The following FAM168A variants were observed in gnomAD, a reference collection of about 807,000 sequenced individuals.
The protein encoded by FAM168A is family with sequence similarity 168 member A.
A neutral mutation model predicts 28.5 loss-of-function variants in FAM168A; 3 were observed. That is an observed-to-expected ratio of 0.11 (90% CI 0.05 to 0.27). The LOEUF is 0.27. FAM168A is among the 10% of genes least tolerant of loss of function. The pLI is 1.00. For synonymous variants in FAM168A, 122 were observed against 124.2 expected (o/e 0.98, Z 0.12); for missense variants, 222 against 311.5 (o/e 0.71, Z 2.16).
chr11:73,558,192 G>A (rs971013356), intron 1 of FAM168A, among the ~76,000 whole-genome samples: 1 of 152,058 alleles, frequency 6.6e-6, no homozygotes, highest in African/African-American at 2.4e-5. Context: ...TATCAAAAAA[G>A]TGAAGAGGCC....
intron 2 of FAM168A, among the ~76,000 whole-genome samples, chr11:73,451,354 A>G (rs546392813): frequency 2.6e-4 from 40 of 152,322 alleles, no homozygotes; most frequent in African/African-American, 9.4e-4. Context: ...TTTGCCAGAG[A>G]GATTTATGGA....
chr11:73,412,013 ATCTC>A (rs754092287), intron 4 of FAM168A, among the ~76,000 whole-genome samples: 1 of 149,886 alleles, frequency 6.7e-6, no homozygotes, highest in Non-Finnish European at 1.5e-5. Context: ...TTTTCTCCTT[ATCTC>A]TCTCTCTCTC....
At chr11:73,420,219 A>C (rs760349127) in intron 3 of FAM168A, among the ~76,000 whole-genome samples, 10 of 152,210 alleles carry the variant, frequency 6.6e-5, no homozygotes, top group Non-Finnish European at 1.3e-4. Flanking sequence ...CTGAACTTAC[A>C]CTAAAAGAGT....
At chr11:73,476,991 A>C (rs1170628717) in intron 1 of FAM168A, among the ~76,000 whole-genome samples, 1 of 152,186 alleles carries the variant, frequency 6.6e-6, no homozygotes, top group African/African-American at 2.4e-5. Context: ...GAGAGAAAGA[A>C]AATTAGGTGG....
At chr11:73,562,944 G>A (rs1165771793) in intron 1 of FAM168A, among the ~76,000 whole-genome samples, 2 of 152,108 alleles carry the variant, frequency 1.3e-5, no homozygotes, top group East Asian at 3.8e-4. Flanking sequence ...GGGCCCCAGA[G>A]AGGGGACATT....
Position 73,411,352 on chromosome 11 carries a change from GCTC to G in FAM168A, c.420+39_420+41del, listed in dbSNP as rs767549002. 3 of 1,541,166 alleles carry G rather than the reference GCTC, an allele frequency of 1.9e-6. No individual in the cohort carries two copies. In the African/African-American group the frequency reaches 4.1e-5, roughly 21 times the overall value. ...CCACCACACTGCACCCAGGCTGAAG[GCTC>G]CTCTACCTGCAGAAGAGGTGGCTTT... On this transcript the variant is annotated intron_variant, in intron 5 of 7. Transcript: ENST00000356467.
At chr11:73,532,859 A>G (rs1273875188) in intron 1 of FAM168A, among the ~76,000 whole-genome samples, 1 of 152,188 alleles carries the variant, frequency 6.6e-6, no homozygotes, top group Non-Finnish European at 1.5e-5. Flanking sequence ...GTCATGCCTT[A>G]TTTTTTCAGG....
intron 2 of FAM168A, among the ~76,000 whole-genome samples, chr11:73,460,700 C>T (rs1194744138): frequency 1.3e-5 from 2 of 152,018 alleles, no homozygotes; most frequent in Non-Finnish European, 2.9e-5. Flanking sequence ...GACGGGGTTT[C>T]ACCATGTTGG....
chr11:73,426,012 C>A (rs1044667511), intron 3 of FAM168A, among the ~76,000 whole-genome samples: 2 of 152,168 alleles, frequency 1.3e-5, no homozygotes, highest in African/African-American at 2.4e-5. Flanking sequence ...GCACAAATTC[C>A]TTTTCCCTAC....
chr11:73,484,508 A>AGAGATATTATATATCTATATC (rs1211807465), intron 1 of FAM168A, among the ~76,000 whole-genome samples: 1 of 123,664 alleles, frequency 8.1e-6, no homozygotes, highest in Middle Eastern at 3.7e-3. Flanking sequence ...GGAGAGAGAG[A>AGAGATATTATATATCTATATC]TATATATAGA....
At chr11:73,498,410 G>A (rs190906842) in intron 1 of FAM168A, among the ~76,000 whole-genome samples, 2 of 152,212 alleles carry the variant, frequency 1.3e-5, no homozygotes, top group African/African-American at 2.4e-5. Flanking sequence ...TGCAACCCAC[G>A]GATCAGAAGA....
At chr11:73,559,968 CA>C (rs1482002680) in intron 1 of FAM168A, among the ~76,000 whole-genome samples, 5 of 152,128 alleles carry the variant, frequency 3.3e-5, no homozygotes, top group African/African-American at 1.2e-4. Flanking sequence ...ACAATGTAAA[CA>C]AAATCCTCAG....
At chr11:73,437,215 A>G (rs1867104862) in intron 2 of FAM168A, among the ~76,000 whole-genome samples, 1 of 151,762 alleles carries the variant, frequency 6.6e-6, no homozygotes, top group Admixed American at 6.6e-5. Flanking sequence ...CTCCTGCCTC[A>G]GCCTCCCAAG....
intron 1 of FAM168A, among the ~76,000 whole-genome samples, chr11:73,530,771 C>T (rs1030472700): frequency 6.6e-6 from 1 of 152,130 alleles, no homozygotes; most frequent in African/African-American, 2.4e-5. Context: ...TCTGTCTCCT[C>T]AACTGGATCC....
intron 1 of FAM168A, among the ~76,000 whole-genome samples, chr11:73,593,806 C>T (rs528972462): frequency 2.7e-4 from 41 of 152,214 alleles, no homozygotes; most frequent in Middle Eastern, 3.4e-3. Context: ...TTCTATTATT[C>T]GCACTTTACA....
rs1193101283 is a variant in FAM168A, at chr11:73,409,481, C to T, written c.595+6G>A. The T allele has an allele frequency of 1.9e-6, 3 of 1,613,438 alleles. No homozygotes were observed. The highest frequency in any genetic ancestry group is 1.3e-5 in the African/African-American group (1 of 75,018). The stretch of plus-strand genomic sequence containing the variant: ...GGATGGACACTGATGCAGATGCTGC[C>T]CTCACCTGCTGACATTGCCATGGTG... On this transcript the variant is annotated splice_donor_region_variant and intron_variant, in intron 6 of 7. Coordinates refer to ENST00000356467, the MANE Select transcript of FAM168A (RefSeq NM_015159.3).
intron 2 of FAM168A, among the ~76,000 whole-genome samples, chr11:73,458,609 C>A (rs1033153512): frequency 6.7e-6 from 1 of 150,348 alleles, no homozygotes; most frequent in East Asian, 1.9e-4. Flanking sequence ...ATAGAAATTT[C>A]TTTCTTTCTT....
chr11:73,469,167 A>G (rs760264672), intron 1 of FAM168A, among the ~76,000 whole-genome samples: 5 of 152,236 alleles, frequency 3.3e-5, no homozygotes, highest in African/African-American at 9.6e-5. Flanking sequence ...TTTGTGTGCA[A>G]TAAGTATCAC....
rs1054371954 is a variant in FAM168A at position 73,404,933 on chromosome 11, G to A, written c.*1830C>T. The A allele has an allele frequency of 2.0e-5, 3 of 152,206 alleles. No individual in the cohort carries two copies. The highest frequency in any genetic ancestry group is 2.4e-5 in the African/African-American group (1 of 41,462). 9.4% of individuals were successfully genotyped at this position (152,206 alleles called of 1,614,324 possible). A position where few individuals can be genotyped will look rare whatever the true frequency, so the allele number is the denominator to read the frequency against. ...AAATGTTCGTGCCCCACCCCCAGAGGGGCTGCTGGCCCAGCCAAGCGCTGG... is the reference window on the plus strand; with the variant it reads ...AAATGTTCGTGCCCCACCCCCAGAGAGGCTGCTGGCCCAGCCAAGCGCTGG... On this transcript the variant is annotated 3_prime_UTR_variant, in exon 8 of 8. Coordinates refer to ENST00000356467, the MANE Select transcript of FAM168A (RefSeq NM_015159.3).
Sources: gnomAD v4.1 joint callset for allele counts (sites outside exome capture counted in the v4.1 genomes callset) on GRCh38, gnomAD v4.1.1 for gene constraint, MANE v1.5 for transcripts, NCBI Gene and HGNC (gene_info 2026-07-23, HGNC 2026-07-21) for gene names.